The following TCEANC2 variants were observed in gnomAD, a reference collection of about 807,000 sequenced individuals.
TCEANC2 encodes transcription elongation factor A N-terminal and central domain containing 2, also known as transcription elongation factor A N-terminal and central domain-containing protein 2.
In TCEANC2, 20 loss-of-function variants were observed where a neutral mutation model predicts 22.8. That is an observed-to-expected ratio of 0.88 (90% confidence interval 0.62 to 1.28). TCEANC2 has a LOEUF of 1.28. TCEANC2 is among the 50% of genes most tolerant of loss of function. The pLI is 0.00. For missense variants in TCEANC2, 251 were observed against 249.7 expected, an observed-to-expected ratio of 1.01 and a Z score of -0.03; for synonymous variants, 84 against 95.5, an observed-to-expected ratio of 0.88 and a Z score of 0.70.
At chr1:54,109,079 G>A (rs938317935), downstream of TCEANC2, among the ~76,000 whole-genome samples, 1 of 152,206 alleles carries the variant, frequency 6.6e-6, no homozygotes, top group Non-Finnish European at 1.5e-5. Context: ...GTCCAATAAG[G>A]AGCCAAGTCA....
In TCEANC2 at chr1:54,054,402, G is replaced by A; in HGVS notation, c.-21G>A. ...CCAGAACACGCTGCAAGCACGTCAAGGTAGTCGGAGTCCCCTAACAATGGA... is the reference window on the plus strand; with the variant it reads ...CCAGAACACGCTGCAAGCACGTCAAAGTAGTCGGAGTCCCCTAACAATGGA... On this transcript the variant is annotated 5_prime_UTR_variant, in exon 2 of 5. Coordinates refer to ENST00000234827, the MANE Select transcript of TCEANC2 (RefSeq NM_153035.3). 1 of 1,613,872 alleles carries A rather than the reference G, an allele frequency of 6.2e-7. No homozygotes were observed. The highest frequency in any genetic ancestry group is 1.1e-5 in the South Asian group (1 of 90,994).
In TCEANC2 at chr1:54,103,150, A is replaced by G. The variant is rs1658690250; in HGVS notation, c.*6677A>G. 6.6e-6 allele frequency: 1 copy of G among 152,242 alleles called. No homozygotes were observed. Among genetic ancestry groups the G allele is most frequent in the Non-Finnish European group, 1.5e-5 (1 of 68,084 alleles). The allele number at this position is 152,242 out of a possible 1,614,324, so 9.4% of individuals were successfully genotyped here. A position where few individuals can be genotyped will look rare whatever the true frequency, so the allele number is the denominator to read the frequency against. ...GGAGAAGCACTAAACAACAATGTAC[A>G]CACAGTTGACATCAACCAGTCTCTG... On this transcript the variant is annotated 3_prime_UTR_variant, in exon 5 of 5. Transcript: ENST00000234827.
At chr1:54,062,156 G>A (rs17109690) in intron 2 of TCEANC2, among the ~76,000 whole-genome samples, 14,673 of 152,160 alleles carry the variant, frequency 0.096, 1,665 homozygotes, top group African/African-American at 0.28. Flanking sequence ...CTGCTTATGA[G>A]TGAATCATTT....
At chr1:54,080,138 TTTTC>T (rs1364447320) in intron 3 of TCEANC2, among the ~76,000 whole-genome samples, 8 of 151,356 alleles carry the variant, frequency 5.3e-5, no homozygotes, top group Admixed American at 3.3e-4. Flanking sequence ...GGGTCTCCAA[TTTTC>T]TTTCTTTTTT....
intron 3 of TCEANC2, 95 bp downstream of exon 3, chr1:54,068,992 C>T: frequency 1.6e-6 from 2 of 1,265,974 alleles, no homozygotes; most frequent in Non-Finnish European, 2.0e-6. Flanking sequence ...AGTTATCTGC[C>T]TTATCAATGC....
chr1:54,074,429 C>G (rs1412905691), intron 3 of TCEANC2, among the ~76,000 whole-genome samples: 9 of 152,032 alleles, frequency 5.9e-5, no homozygotes, highest in Admixed American at 5.9e-4. Context: ...TGCCCCTGCA[C>G]TCCAGCCTGG....
Position 54,103,738 on chromosome 1 carries a change from T to G in TCEANC2, c.*7265T>G, listed in dbSNP as rs1658700002. ...GAACAACCAGCAGCCACTTGGGAAG[T>G]TGGCTATATTAAACCCTGTCTACCC... is the stretch of plus-strand genomic sequence containing the variant. On this transcript the variant is annotated 3_prime_UTR_variant, in exon 5 of 5. Transcript: ENST00000234827. 1 of 152,196 alleles carries G rather than the reference T, an allele frequency of 6.6e-6. No homozygotes were observed. The highest frequency in any genetic ancestry group is 2.4e-5 in the African/African-American group (1 of 41,452). 9.4% of individuals were successfully genotyped at this position (152,196 alleles called of 1,614,324 possible). A position where few individuals can be genotyped will look rare whatever the true frequency, so the allele number is the denominator to read the frequency against.
intron 2 of TCEANC2, among the ~76,000 whole-genome samples, chr1:54,059,563 TG>T (rs1657812363): frequency 6.6e-6 from 1 of 152,266 alleles, no homozygotes; most frequent in Non-Finnish European, 1.5e-5. Flanking sequence ...AAATGCTTTC[TG>T]GGTTCTCTAA....
exon 5 of TCEANC2, chr1:54,111,365 A>G (rs567579883): frequency 6.6e-6 from 1 of 152,358 alleles, no homozygotes; most frequent in South Asian, 2.1e-4. Context: ...GCAAGTGGAT[A>G]AGGTAAAGCT....
intron 2 of TCEANC2, among the ~76,000 whole-genome samples, chr1:54,056,548 A>G (rs1657755770): frequency 6.6e-6 from 1 of 151,848 alleles, no homozygotes; most frequent in Non-Finnish European, 1.5e-5. Context: ...GCTGGTCTCG[A>G]ACTCCTGACC....
At chr1:54,091,875 C>A (rs925913630) in intron 4 of TCEANC2, among the ~76,000 whole-genome samples, 1 of 152,108 alleles carries the variant, frequency 6.6e-6, no homozygotes, top group Non-Finnish European at 1.5e-5. Flanking sequence ...CCTATTATGT[C>A]ATTTAAAAAA....
chr1:54,105,969 CACATGGTCTCTGTCACA>C lies in TCEANC2; in HGVS notation c.*9499_*9515del, dbSNP rs1255331478. The C allele has an allele frequency of 2.5e-4, 38 of 152,220 alleles. No homozygotes were observed. Among genetic ancestry groups the C allele is most frequent in the African/African-American group, 8.9e-4 (37 of 41,544 alleles). The allele number at this position is 152,220 out of a possible 1,614,324, so 9.4% of individuals were successfully genotyped here. A position where few individuals can be genotyped will look rare whatever the true frequency, so the allele number is the denominator to read the frequency against. ...AGTAAATATTTTAAGCTTTGTGAGC[CACATGGTCTCTGTCACA>C]ACTATTCAGCTCTGCTATTGTAATA... On this transcript the variant is annotated 3_prime_UTR_variant, in exon 5 of 5. Transcript: ENST00000234827.
intron 4 of TCEANC2, among the ~76,000 whole-genome samples, chr1:54,094,375 C>A (rs1658505223): frequency 6.6e-6 from 1 of 152,030 alleles, no homozygotes; most frequent in Non-Finnish European, 1.5e-5. Flanking sequence ...TTTTTTTGAA[C>A]TTTGCTTTTT....
chr1:54,066,883 G>A (rs1424322325), intron 2 of TCEANC2, among the ~76,000 whole-genome samples: 2 of 152,180 alleles, frequency 1.3e-5, no homozygotes, highest in African/African-American at 4.8e-5. Context: ...GAACAAAGCA[G>A]TAGGTATCAA....
intron 2 of TCEANC2, among the ~76,000 whole-genome samples, chr1:54,059,991 G>A (rs1179682040): frequency 6.6e-6 from 1 of 152,192 alleles, no homozygotes; most frequent in Non-Finnish European, 1.5e-5. Context: ...AATGAAGCCA[G>A]GTGTGGTGGC....
At chr1:54,072,531 G>A (rs996784655) in intron 3 of TCEANC2, among the ~76,000 whole-genome samples, 3 of 151,932 alleles carry the variant, frequency 2.0e-5, no homozygotes, top group Admixed American at 6.6e-5. Flanking sequence ...CAAGTAGCTG[G>A]GACTACAGGC....
downstream of TCEANC2, among the ~76,000 whole-genome samples, chr1:54,110,817 T>G (rs1209231623): frequency 6.6e-6 from 1 of 152,068 alleles, no homozygotes; most frequent in East Asian, 1.9e-4. Context: ...TTGGGGCAGC[T>G]GCATGCACTC....
rs1167766074 is a variant in TCEANC2, at chr1:54,054,399, CA to C, written c.-22del. The C allele has an allele frequency of 1.9e-6, 3 of 1,613,850 alleles. No individual in the cohort carries two copies. The highest frequency in any genetic ancestry group is 4.5e-5 in the East Asian group (2 of 44,860). ...TGACCAGAACACGCTGCAAGCACGT[CA>C]AGGTAGTCGGAGTCCCCTAACAATG... is the stretch of plus-strand genomic sequence containing the variant. On this transcript the variant is annotated 5_prime_UTR_variant, in exon 2 of 5. Transcript: ENST00000234827.
At chr1:54,077,874 A>G (rs912970779) in intron 3 of TCEANC2, among the ~76,000 whole-genome samples, 1 of 152,074 alleles carries the variant, frequency 6.6e-6, no homozygotes, top group South Asian at 2.1e-4. Flanking sequence ...GTGCTTTTCC[A>G]TAAAGCTCAG....
Sources: allele counts gnomAD v4.1 joint callset (sites outside exome capture counted in the v4.1 genomes callset), GRCh38; gene constraint gnomAD v4.1.1; transcripts MANE v1.5; gene names NCBI Gene and HGNC (gene_info 2026-07-23, HGNC 2026-07-21).